The following TTC28 variants were observed in gnomAD, a reference collection of about 807,000 sequenced individuals.
The protein encoded by TTC28 is tetratricopeptide repeat protein 28.
A neutral mutation model predicts 198.0 loss-of-function variants in TTC28; 61 were observed. That is an observed-to-expected ratio of 0.31 (90% CI 0.25 to 0.38). The LOEUF is 0.38. TTC28 is among the 10% of genes least tolerant of loss of function. The pLI is 1.00. For synonymous variants in TTC28, 1,171 were observed against 1,297.8 expected (o/e 0.90, Z 2.10); for missense variants, 2,678 against 3,164.0 (o/e 0.85, Z 3.69).
At chr22:28,238,177 T>C (rs1929387799) in intron 5 of TTC28, among the ~76,000 whole-genome samples, 2 of 152,170 alleles carry the variant, frequency 1.3e-5, no homozygotes, top group Admixed American at 1.3e-4. Context: ...TCTTCAAATA[T>C]TTGTATGCCC....
chr22:28,068,448 T>C (rs548870020), intron 12 of TTC28, among the ~76,000 whole-genome samples: 25 of 152,356 alleles, frequency 1.6e-4, no homozygotes, highest in African/African-American at 6.0e-4. Context: ...ACAGGTGATA[T>C]TTTTATTGTT....
At chr22:28,206,332 A>C (rs368306024) in intron 5 of TTC28, among the ~76,000 whole-genome samples, 1 of 152,152 alleles carries the variant, frequency 6.6e-6, no homozygotes, top group African/African-American at 2.4e-5. Flanking sequence ...GGGCTCTGAC[A>C]CAAGTTATGG....
rs1184013809 is a variant in TTC28, at chr22:27,978,637, C to T, written c.*3584G>A. The T allele has an allele frequency of 1.3e-5, 2 of 152,102 alleles. No individual in the cohort carries two copies. The highest frequency in any genetic ancestry group is 2.9e-5 in the Non-Finnish European group (2 of 68,036). 9.4% of individuals were successfully genotyped at this position (152,102 alleles called of 1,614,324 possible). On this transcript the variant is annotated 3_prime_UTR_variant, in exon 23 of 23. Transcript: ENST00000397906. ...AAACCCAGCAAGTTTCAGTGTGGAC[C>T]GTGAATTTTTAAAAAATGGAATGGA...
intron 2 of TTC28, among the ~76,000 whole-genome samples, chr22:28,521,259 T>A (rs966358785): frequency 1.3e-5 from 2 of 150,456 alleles, no homozygotes; most frequent in Non-Finnish European, 3.0e-5. Context: ...TTAAAAAAAA[T>A]TAACTGGGCA....
At chr22:28,517,046 G>T (rs2048803996) in intron 2 of TTC28, among the ~76,000 whole-genome samples, 1 of 152,112 alleles carries the variant, frequency 6.6e-6, no homozygotes, top group Non-Finnish European at 1.5e-5. Flanking sequence ...TCTTACCCAG[G>T]GTTGCACAGT....
chr22:28,455,071 C>G (rs531727951), intron 2 of TTC28, among the ~76,000 whole-genome samples: 45 of 152,234 alleles, frequency 3.0e-4, no homozygotes, highest in Non-Finnish European at 5.3e-4. Context: ...TCTGAGTGCA[C>G]ATATAAGAAA....
intron 2 of TTC28, among the ~76,000 whole-genome samples, chr22:28,473,984 T>C (rs1049249211): frequency 6.6e-5 from 10 of 152,228 alleles, no homozygotes; most frequent in Admixed American, 2.0e-4. Context: ...TTGTTTAAGC[T>C]ATCCAGTTTG....
intron 3 of TTC28, among the ~76,000 whole-genome samples, chr22:28,299,415 G>A (rs1335672343): frequency 2.6e-5 from 4 of 152,110 alleles, no homozygotes; most frequent in Non-Finnish European, 5.9e-5. Context: ...GGAAACCTGT[G>A]GGTGCCTAAA....
chr22:28,447,465 G>A (rs2047720401), intron 2 of TTC28, among the ~76,000 whole-genome samples: 1 of 152,068 alleles, frequency 6.6e-6, no homozygotes, highest in Non-Finnish European at 1.5e-5. Context: ...CTGCCTATAG[G>A]GCTAAATTCC....
chr22:28,368,096 C>T (rs190236962), intron 2 of TTC28, among the ~76,000 whole-genome samples: 1 of 151,892 alleles, frequency 6.6e-6, no homozygotes, highest in Admixed American at 6.6e-5. Flanking sequence ...ACCAAAGACA[C>T]ATCAAAAAAG....
chr22:28,463,349 G>A (rs1033596845), intron 2 of TTC28, among the ~76,000 whole-genome samples: 3 of 152,180 alleles, frequency 2.0e-5, no homozygotes, highest in African/African-American at 7.2e-5. Context: ...GTGGAAGACA[G>A]TGTGGCGATT....
intron 1 of TTC28, among the ~76,000 whole-genome samples, chr22:28,674,302 GTT>G (rs1367735092): frequency 6.9e-6 from 1 of 145,696 alleles, no homozygotes; most frequent in Admixed American, 6.9e-5. Context: ...TGGTTTTGGA[GTT>G]TTTGTTTTTC....
At chr22:28,471,902 TAAAG>T in intron 2 of TTC28, among the ~76,000 whole-genome samples, 1 of 152,150 alleles carries the variant, frequency 6.6e-6, no homozygotes, top group Non-Finnish European at 1.5e-5. Context: ...ATATATCTCT[TAAAG>T]AAAGGTCTAT....
chr22:28,131,270 A>C (rs535237545), intron 6 of TTC28, among the ~76,000 whole-genome samples: 9 of 152,354 alleles, frequency 5.9e-5, no homozygotes, highest in Non-Finnish European at 1.0e-4. Context: ...GCTGAAGATC[A>C]GTCCCCTATT....
At chr22:28,644,905 G>A (rs2051432312) in intron 1 of TTC28, among the ~76,000 whole-genome samples, 1 of 151,990 alleles carries the variant, frequency 6.6e-6, no homozygotes, top group Non-Finnish European at 1.5e-5. Context: ...CAACACTTTG[G>A]GAGGCTGAGG....
intron 6 of TTC28, among the ~76,000 whole-genome samples, chr22:28,160,269 C>A (rs1447214170): frequency 6.6e-6 from 1 of 152,188 alleles, no homozygotes; most frequent in African/African-American, 2.4e-5. Context: ...CCCCATTCTC[C>A]ATGATATGAT....
chr22:28,579,671 C>CA lies in TTC28; in HGVS notation c.381+49880dup, dbSNP rs1028797124. 4.7e-5 allele frequency among the ~76,000 whole-genome samples: 7 copies of CA among 149,416 alleles called. 1 individual carries two copies. The highest frequency in any genetic ancestry group is 2.0e-4 in the East Asian group (1 of 5,066). ...GTATAAATACACATATATACACACC[C>CA]AAAAAAAACCGAAGGGCTGAGCACA... is the stretch of plus-strand genomic sequence containing the variant. On this transcript the variant is annotated intron_variant, in intron 2 of 22. Coordinates refer to ENST00000397906, the MANE Select transcript of TTC28 (RefSeq NM_001145418.2).
chr22:28,047,927 C>A (rs933150351), intron 12 of TTC28, among the ~76,000 whole-genome samples: 7 of 152,130 alleles, frequency 4.6e-5, no homozygotes, highest in African/African-American at 1.7e-4. Context: ...ACCTTGTCCT[C>A]TTCCTGGATC....
At chr22:28,238,250 G>A (rs577755761) in intron 5 of TTC28, among the ~76,000 whole-genome samples, 5 of 152,152 alleles carry the variant, frequency 3.3e-5, no homozygotes, top group Non-Finnish European at 5.9e-5. Context: ...GGATCACTGA[G>A]GTTTTATTAA....
Sources: allele counts gnomAD v4.1 joint callset (sites outside exome capture counted in the v4.1 genomes callset), GRCh38; gene constraint gnomAD v4.1.1; transcripts MANE v1.5; gene names NCBI Gene and HGNC (gene_info 2026-07-23, HGNC 2026-07-21).